MCTP1: variants seen among roughly 807,000 people sequenced by gnomAD.
MCTP1 encodes the protein multiple C2 and transmembrane domain containing 1, also known as multiple C2 and transmembrane domain-containing protein 1.
MCTP1 carries 69 observed loss-of-function variants against 120.6 expected under a neutral mutation model. The observed-to-expected ratio is 0.57, with a 90% CI of 0.47 to 0.70. The LOEUF is 0.70. MCTP1 is among the 30% of genes least tolerant of loss of function. The pLI is 0.00. For missense variants in MCTP1, 1,203 were observed against 1,248.8 expected, an observed-to-expected ratio of 0.96 and a Z score of 0.55; for synonymous variants, 529 against 493.1, an observed-to-expected ratio of 1.07 and a Z score of -0.96.
intron 1 of MCTP1, among the ~76,000 whole-genome samples, chr5:95,253,047 C>T (rs1746531634): frequency 6.6e-6 from 1 of 152,086 alleles, no homozygotes; most frequent in African/African-American, 2.4e-5. Flanking sequence ...CTGTCTGTTG[C>T]CATGAGCCAA....
chr5:94,776,378 G>A (rs1023902970), intron 19 of MCTP1, among the ~76,000 whole-genome samples: 3 of 152,012 alleles, frequency 2.0e-5, no homozygotes, highest in Non-Finnish European at 2.9e-5. Context: ...CTTAGGGAAC[G>A]CCTGCCAGGG....
intron 1 of MCTP1, among the ~76,000 whole-genome samples, chr5:95,053,993 A>C (rs1157407484): frequency 6.6e-6 from 1 of 152,208 alleles, no homozygotes; most frequent in African/African-American, 2.4e-5. Context: ...TTTGGTAAAA[A>C]AGTATCCAGG....
chr5:94,956,060 C>T (rs1346505529), intron 2 of MCTP1, among the ~76,000 whole-genome samples: 1 of 152,168 alleles, frequency 6.6e-6, no homozygotes, highest in Non-Finnish European at 1.5e-5. Context: ...ATGAAGCTTC[C>T]AGAGGAAGGA....
intron 1 of MCTP1, among the ~76,000 whole-genome samples, chr5:95,035,862 A>G (rs77769324): frequency 2.4e-3 from 365 of 152,226 alleles, no homozygotes; most frequent in Non-Finnish European, 3.8e-3. Flanking sequence ...GCTAATGTTC[A>G]TTAATGGTTA....
At chr5:94,788,165 G>A (rs1264077814) in intron 18 of MCTP1, among the ~76,000 whole-genome samples, 4 of 152,280 alleles carry the variant, frequency 2.6e-5, no homozygotes, top group Non-Finnish European at 2.9e-5. Context: ...AGAACATTCA[G>A]TTAGTTTTTA....
intron 1 of MCTP1, among the ~76,000 whole-genome samples, chr5:95,182,233 C>G (rs1748678344): frequency 6.6e-6 from 1 of 152,122 alleles, no homozygotes; most frequent in South Asian, 2.1e-4. Flanking sequence ...TGCTGAAAAA[C>G]TTCCCCTTAA....
chr5:95,055,746 G>T (rs2152049313), intron 1 of MCTP1, among the ~76,000 whole-genome samples: 1 of 152,202 alleles, frequency 6.6e-6, no homozygotes, highest in Admixed American at 6.5e-5. Context: ...ATCCCCCTGG[G>T]TACAGGCTTA....
At chr5:95,058,222 A>G (rs1220903040) in intron 1 of MCTP1, among the ~76,000 whole-genome samples, 5 of 152,248 alleles carry the variant, frequency 3.3e-5, no homozygotes, top group Non-Finnish European at 7.3e-5. Context: ...TCTTGGAACA[A>G]AGCTAGAATT....
intron 1 of MCTP1, among the ~76,000 whole-genome samples, chr5:95,220,727 C>G (rs1031588374): frequency 1.3e-5 from 2 of 152,110 alleles, no homozygotes; most frequent in Non-Finnish European, 2.9e-5. Context: ...ATATTTTTTT[C>G]TATTTTAAAT....
intron 1 of MCTP1, among the ~76,000 whole-genome samples, chr5:95,158,338 T>C (rs1745347765): frequency 6.6e-6 from 1 of 152,198 alleles, no homozygotes; most frequent in Admixed American, 6.5e-5. Context: ...CCTTTGTGCA[T>C]TGCAGCTTTG....
intron 1 of MCTP1, among the ~76,000 whole-genome samples, chr5:95,125,995 T>A (rs1437655001): frequency 1.3e-5 from 2 of 152,238 alleles, no homozygotes; most frequent in African/African-American, 4.8e-5. Flanking sequence ...CATATTAAAC[T>A]TTCTTTCGTG....
intron 17 of MCTP1, among the ~76,000 whole-genome samples, chr5:94,825,350 T>C (rs1275876353): frequency 6.6e-6 from 1 of 152,226 alleles, no homozygotes; most frequent in Non-Finnish European, 1.5e-5. Flanking sequence ...TTTGCAGTTT[T>C]TGAATGAGTT....
At chr5:94,768,618 AAC>A (rs1467708073) in intron 19 of MCTP1, among the ~76,000 whole-genome samples, 1 of 152,210 alleles carries the variant, frequency 6.6e-6, no homozygotes, top group Non-Finnish European at 1.5e-5. Context: ...ACAAATGGCT[AAC>A]AGACATATGA....
chr5:94,793,237 T>C (rs954103345), intron 18 of MCTP1: 5 of 152,194 alleles, frequency 3.3e-5, no homozygotes, highest in Admixed American at 3.3e-4. Flanking sequence ...AGCAAGTGAT[T>C]ATCTAACAAG....
At chr5:94,754,685 C>A (rs1769328154) in intron 19 of MCTP1, among the ~76,000 whole-genome samples, 1 of 152,080 alleles carries the variant, frequency 6.6e-6, no homozygotes, top group Non-Finnish European at 1.5e-5. Context: ...AAAAGCATAT[C>A]CTTTTTTTAT....
At chr5:94,868,230 A>T (rs1237279096) in intron 17 of MCTP1, 103 bp downstream of exon 17, 3 of 1,167,504 alleles carry the variant, frequency 2.6e-6, no homozygotes, top group Non-Finnish European at 3.4e-6. Flanking sequence ...TAGGAGTTTT[A>T]AAATGGCCAC....
At chr5:94,887,346 A>G (rs1402376485) in intron 12 of MCTP1, among the ~76,000 whole-genome samples, 1 of 152,150 alleles carries the variant, frequency 6.6e-6, no homozygotes, top group Non-Finnish European at 1.5e-5. Context: ...TTTAACTTCC[A>G]TAGTGGCACA....
chr5:94,920,211 C>T (rs915928205), intron 7 of MCTP1, among the ~76,000 whole-genome samples: 1 of 149,266 alleles, frequency 6.7e-6, no homozygotes, highest in Non-Finnish European at 1.5e-5. Context: ...AAATAATCTA[C>T]AAATTTCTAG....
intron 18 of MCTP1, among the ~76,000 whole-genome samples, chr5:94,787,727 C>G (rs1778051425): frequency 6.6e-6 from 1 of 152,080 alleles, no homozygotes; most frequent in Admixed American, 6.6e-5. Context: ...CGCCATTCTC[C>G]TGCCTCAGCC....
Sources: gnomAD v4.1 joint callset for allele counts (sites outside exome capture counted in the v4.1 genomes callset) on GRCh38, gnomAD v4.1.1 for gene constraint, MANE v1.5 for transcripts, NCBI Gene and HGNC (gene_info 2026-07-23, HGNC 2026-07-21) for gene names.